Variants in TENM3 observed in about 807,000 individuals in gnomAD.
TENM3 encodes the protein teneurin-3.
TENM3 carries 63 observed loss-of-function variants against 255.1 expected under a neutral mutation model. That is an observed-to-expected ratio of 0.25 (90% CI 0.20 to 0.30). The LOEUF is 0.30. Ranked by LOEUF, TENM3 falls within the 10% of genes least tolerant of loss-of-function variation. The probability of loss-of-function intolerance (pLI) is 1.00; values close to 1 mark genes in which losing one functional copy is unlikely to be tolerated. For synonymous variants in TENM3, 1,306 were observed against 1,322.3 expected (o/e 0.99, Z 0.27); for missense variants, 2,929 against 3,461.1 (o/e 0.85, Z 3.86).
chr4:182,029,504 T>TG, the TENM3 span, among the ~76,000 whole-genome samples: 119,954 of 152,074 alleles, frequency 0.79, 47,898 homozygotes, highest in East Asian at 0.9. Context: ...TTTATGTATG[T>TG]GGGTCATCCA....
chr4:182,315,532 G>C (rs1762704313), intron 1 of TENM3, among the ~76,000 whole-genome samples: 1 of 151,794 alleles, frequency 6.6e-6, no homozygotes, highest in African/African-American at 2.4e-5. Context: ...TTTATCACTG[G>C]TTTTGAGCAG....
the TENM3 span, among the ~76,000 whole-genome samples, chr4:182,086,254 T>G: frequency 2.0e-5 from 3 of 152,152 alleles, no homozygotes; most frequent in African/African-American, 7.2e-5. Context: ...CAGTCTGTCT[T>G]GCACCCAGAC....
chr4:181,543,692 G>A, the TENM3 span, among the ~76,000 whole-genome samples: 5 of 152,206 alleles, frequency 3.3e-5, no homozygotes, highest in Admixed American at 2.0e-4. Context: ...ACAGGCCCTG[G>A]CACCTCCATT....
In TENM3 at chr4:182,411,343, A is replaced by G. The variant is rs75870724; in HGVS notation, c.511+64414A>G. 3.6e-3 allele frequency among the ~76,000 whole-genome samples: 542 copies of G among 152,376 alleles called. 1 individual carries two copies. The highest frequency in any genetic ancestry group is 0.012 in the African/African-American group (512 of 41,592). On this transcript the variant is annotated intron_variant, in intron 3 of 27. Transcript: ENST00000511685. The stretch of plus-strand genomic sequence containing the variant: ...TACAAGTGTTTACTTTCCTGTATGC[A>G]GTCAAAGTCCAGCTGATTGTTGCAT...
At position 182,418,901 on chromosome 4, in the gene TENM3, GC is replaced by G. The variant is rs796733671; in HGVS notation, c.511+71974del. On this transcript the variant is annotated intron_variant, in intron 3 of 27. Coordinates refer to ENST00000511685, the MANE Select transcript of TENM3 (RefSeq NM_001080477.4). The stretch of plus-strand genomic sequence containing the variant: ...TAAGAGTGGGATATGACTTGCTGGG[GC>G]CAAGGACAGTGCCATACCTCTCAAC... 8.5e-5 allele frequency among the ~76,000 whole-genome samples: 13 copies of G among 152,254 alleles called. 1 individual carries two copies. The highest frequency in any genetic ancestry group is 4.1e-4 in the South Asian group (2 of 4,824).
the TENM3 span, among the ~76,000 whole-genome samples, chr4:181,535,934 G>A: frequency 3.3e-5 from 5 of 152,014 alleles, no homozygotes; most frequent in East Asian, 9.7e-4. Flanking sequence ...AAAATGAGAG[G>A]TATTTTCTCC....
At chr4:182,024,866 C>T in the TENM3 span, among the ~76,000 whole-genome samples, 1 of 152,062 alleles carries the variant, frequency 6.6e-6, no homozygotes. Context: ...AACCATCCTT[C>T]TACTCTCTAT....
chr4:182,248,442 G>A (rs1358160117), intron 1 of TENM3, among the ~76,000 whole-genome samples: 1 of 152,064 alleles, frequency 6.6e-6, no homozygotes, highest in East Asian at 1.9e-4. Flanking sequence ...TTTAATTTGA[G>A]GTGATTCTTC....
At chr4:181,947,545 G>A in the TENM3 span, among the ~76,000 whole-genome samples, 3 of 152,100 alleles carry the variant, frequency 2.0e-5, no homozygotes, top group Non-Finnish European at 2.9e-5. Context: ...AAGATACTGA[G>A]GAGTGTTACC....
chr4:181,532,714 G>A, the TENM3 span, among the ~76,000 whole-genome samples: 1 of 152,108 alleles, frequency 6.6e-6, no homozygotes, highest in African/African-American at 2.4e-5. Context: ...CACCAAAGAG[G>A]AGAGGACATT....
rs144177808 is a variant in TENM3, at chr4:182,397,398, T to TAAAAAAAAAAAAAAAA, written c.511+50485_511+50500dup. Among the ~76,000 whole-genome samples the TAAAAAAAAAAAAAAAA allele has an allele frequency of 6.1e-5, 3 of 48,962 alleles. 1 individual carries two copies. The highest frequency in any genetic ancestry group is 3.8e-5 in the Non-Finnish European group (1 of 25,978). 32.1% of individuals were successfully genotyped at this position (48,962 alleles called of 152,430 possible). Reference sequence around the variant, plus strand: ...CCTGGTGACAGAGCGAGACTCCATCTAAAAAAAAAAAAAAAAAAAAAAAAA... The same window carrying TAAAAAAAAAAAAAAAA: ...CCTGGTGACAGAGCGAGACTCCATCTAAAAAAAAAAAAAAAAAAAAAAAAAAAAAAAAAAAAAAAAA... On this transcript the variant is annotated intron_variant, in intron 3 of 27. Transcript: ENST00000511685.
chr4:182,467,915 G>A (rs1487211943), intron 3 of TENM3, among the ~76,000 whole-genome samples: 1 of 152,114 alleles, frequency 6.6e-6, no homozygotes, highest in Non-Finnish European at 1.5e-5. Context: ...CTGATATTTT[G>A]TAGTGTTTGT....
intron 3 of TENM3, among the ~76,000 whole-genome samples, chr4:182,423,047 A>G: frequency 6.6e-6 from 1 of 152,184 alleles, no homozygotes; most frequent in East Asian, 1.9e-4. Context: ...TACAAAACGG[A>G]TGGTAGATAG....
At chr4:181,948,159 T>A in the TENM3 span, among the ~76,000 whole-genome samples, 1 of 152,208 alleles carries the variant, frequency 6.6e-6, no homozygotes, top group South Asian at 2.1e-4. Context: ...TGCAATAATT[T>A]ATTCCAATTT....
At chr4:182,706,267 A>T (rs536448080) in intron 12 of TENM3, among the ~76,000 whole-genome samples, 2 of 152,322 alleles carry the variant, frequency 1.3e-5, no homozygotes, top group South Asian at 4.1e-4. Flanking sequence ...TTTTGATCTT[A>T]GGAAACTTCT....
At chr4:181,992,457 C>G in the TENM3 span, among the ~76,000 whole-genome samples, 2 of 152,096 alleles carry the variant, frequency 1.3e-5, no homozygotes, top group Admixed American at 6.6e-5. Flanking sequence ...ACTAGTGGCA[C>G]TAGAAGAATT....
intron 4 of TENM3, among the ~76,000 whole-genome samples, chr4:182,623,914 G>A (rs1374670656): frequency 6.6e-6 from 1 of 152,176 alleles, no homozygotes; most frequent in East Asian, 1.9e-4. Flanking sequence ...CCGCTTCTTA[G>A]AAATTATGCT....
At position 182,799,500 on chromosome 4, in the gene TENM3, A is replaced by ATGCCCCGGCGC. The variant is rs1463955934; in HGVS notation, c.7345-89_7345-79dup. Reference sequence around the variant, plus strand: ...GGGAAGGACCCCGGGGCTTCCATGCATGCCCCGGCGCTGCCCCCAGAGTCC... The same window carrying ATGCCCCGGCGC: ...GGGAAGGACCCCGGGGCTTCCATGCATGCCCCGGCGCTGCCCCGGCGCTGCCCCCAGAGTCC... On this transcript the variant is annotated intron_variant, in intron 27 of 27. Coordinates refer to ENST00000511685, the MANE Select transcript of TENM3 (RefSeq NM_001080477.4). The surrounding 1 kb of genome is among the most constrained non-coding windows in gnomAD (Gnocchi z 4.2). The ATGCCCCGGCGC allele has an allele frequency of 2.1e-6, 3 of 1,461,834 alleles. No individual in the cohort carries two copies. The highest frequency in any genetic ancestry group is 5.5e-5 in the Admixed American group (2 of 36,334). The allele number at this position is 1,461,834 out of a possible 1,614,324, so 90.6% of individuals were successfully genotyped here.
chr4:181,547,093 C>G, the TENM3 span, among the ~76,000 whole-genome samples: 1 of 152,040 alleles, frequency 6.6e-6, no homozygotes, highest in Non-Finnish European at 1.5e-5. Flanking sequence ...AATTCTAAAA[C>G]ATTGGAGAAA....
Sources: allele counts gnomAD v4.1 joint callset (sites outside exome capture counted in the v4.1 genomes callset), GRCh38; gene constraint gnomAD v4.1.1; non-coding constraint Gnocchi (gnomAD v3.1); transcripts MANE v1.5; gene names NCBI Gene and HGNC (gene_info 2026-07-23, HGNC 2026-07-21).